Variants in POLD1 observed in about 807,000 individuals in gnomAD.
The protein encoded by POLD1 is DNA polymerase delta catalytic subunit.
Under a neutral mutation model 129.7 loss-of-function variants are expected in POLD1, and 79 were observed. That is an observed-to-expected ratio of 0.61 (90% confidence interval 0.51 to 0.73). The LOEUF (loss-of-function observed/expected upper bound fraction) is 0.73. Among genes scored for constraint, POLD1 ranks in the 30% least tolerant of loss-of-function variants. POLD1 has a pLI of 0.00. For synonymous variants in POLD1, 714 were observed against 683.3 expected, an observed-to-expected ratio of 1.04 and a Z score of -0.70; for missense variants, 1,338 against 1,595.8, an observed-to-expected ratio of 0.84 and a Z score of 2.75.
Position 50,403,925 on chromosome 19 carries a change from A to G in POLD1, c.1242+328A>G, listed in dbSNP as rs567635607. Reference sequence around the variant, plus strand: ...TCCTTTAGGTTATATCAGCATAAGGAAAAGAATCATAATGGAGGAGGAGGG... The same window carrying G: ...TCCTTTAGGTTATATCAGCATAAGGGAAAGAATCATAATGGAGGAGGAGGG... On this transcript the variant is annotated intron_variant, in intron 10 of 26. Transcript: ENST00000440232. Among the ~76,000 whole-genome samples, 137 of 152,272 alleles carry G rather than the reference A, an allele frequency of 9.0e-4. 3 individuals are homozygous for G. The South Asian group carries it at 0.021, about 24-fold the overall frequency.
At position 50,388,936 on chromosome 19, in the gene POLD1, G is replaced by A. The variant is rs570930255; in HGVS notation, c.-2+4546G>A. Among the ~76,000 whole-genome samples the A allele has an allele frequency of 3.4e-5, 5 of 146,388 alleles. No individual in the cohort carries two copies. The East Asian group carries it at 8.3e-4, about 24-fold the overall frequency. ...CAACCTCTGCCTCCCAGGTTCAAGC[G>A]ATTCTCCTATTGCAGCTTCCTGAGT... On this transcript the variant is annotated intron_variant, in intron 1 of 26. Coordinates refer to ENST00000440232, the MANE Select transcript of POLD1 (RefSeq NM_002691.4).
At chr19:50,415,374 C>G in intron 20 of POLD1, 64 bp from the exon 21 acceptor site, 1 of 1,525,046 alleles carries the variant, frequency 6.6e-7, no homozygotes. Flanking sequence ...CCCTGAGACC[C>G]GTGGAGGCAC....
Position 50,403,253 on chromosome 19 carries a change from G to A in POLD1, c.1137+34G>A, listed in dbSNP as rs55808115. 2,437 of 1,514,148 alleles carry A rather than the reference G, an allele frequency of 1.6e-3. 30 individuals are homozygous for A. The African/African-American group carries it at 0.029, about 18-fold the overall frequency. The allele number at this position is 1,514,148 out of a possible 1,614,324, so 93.8% of individuals were successfully genotyped here. A position where few individuals can be genotyped will look rare whatever the true frequency, so the allele number is the denominator to read the frequency against. The stretch of plus-strand genomic sequence containing the variant: ...CGCTCCACGCCCCACACCATTTCCC[G>A]GGGTCCCCGCCAGCCTCCGCGTCCT... On this transcript the variant is annotated intron_variant, in intron 9 of 26. Coordinates refer to ENST00000440232, the MANE Select transcript of POLD1 (RefSeq NM_002691.4).
intron 1 of POLD1, among the ~76,000 whole-genome samples, chr19:50,391,867 C>T (rs563231603): frequency 6.6e-6 from 1 of 152,188 alleles, no homozygotes; most frequent in South Asian, 2.1e-4. Context: ...CGCCCGCCAC[C>T]ATGACAAGCT....
intron 1 of POLD1, among the ~76,000 whole-genome samples, chr19:50,394,497 C>G (rs892487510): frequency 6.6e-6 from 1 of 150,716 alleles, no homozygotes; most frequent in African/African-American, 2.4e-5. Flanking sequence ...ACTAAAAATA[C>G]AAAAAAAAAT....
At chr19:50,415,698 C>A in intron 21 of POLD1, 26 bp from the exon 22 acceptor site, 1 of 1,517,674 alleles carries the variant, frequency 6.6e-7, no homozygotes, top group Non-Finnish European at 8.9e-7. Flanking sequence ...CTGCCCTCAC[C>A]CACCCGCCAC....
At chr19:50,396,498 G>T (rs1441527053) in intron 1 of POLD1, among the ~76,000 whole-genome samples, 1 of 151,250 alleles carries the variant, frequency 6.6e-6, no homozygotes, top group Non-Finnish European at 1.5e-5. Context: ...TATTTTTTGA[G>T]ATGGAGTCTC....
At position 50,395,756 on chromosome 19, in the gene POLD1, C is replaced by T. The variant is rs1726786; in HGVS notation, c.-1-3095C>T. ...CCCAATACCTTGCAGACATTATGGCCGTTTACTCCTAAATACTTGAGTGTG... is the reference window on the plus strand; with the variant it reads ...CCCAATACCTTGCAGACATTATGGCTGTTTACTCCTAAATACTTGAGTGTG... On this transcript the variant is annotated intron_variant, in intron 1 of 26. Coordinates refer to ENST00000440232, the MANE Select transcript of POLD1 (RefSeq NM_002691.4). Among the ~76,000 whole-genome samples the T allele has an allele frequency of 2.4e-3, 372 of 152,054 alleles. 1 individual carries two copies. The highest frequency in any genetic ancestry group is 8.6e-3 in the African/African-American group (357 of 41,450).
Position 50,416,429 on chromosome 19 carries a change from A to G in POLD1, c.2854A>G (p.Ile952Val), listed in dbSNP as rs879254101. 2 of 1,549,900 alleles carry G rather than the reference A, an allele frequency of 1.3e-6. No individual in the cohort carries two copies. The highest frequency in any genetic ancestry group is 8.7e-7 in the Non-Finnish European group (1 of 1,147,394). ...GTTCGTGCTGGAGCACAGCCTGCCCATTGACACGCAGTACTACCTGGAGCA... is the reference window on the plus strand; with the variant it reads ...GTTCGTGCTGGAGCACAGCCTGCCCGTTGACACGCAGTACTACCTGGAGCA... ...PLFVLEHSLPIDTQYYLEQQL... is the reference protein window; with the variant it reads ...PLFVLEHSLPVDTQYYLEQQL... The change falls in exon 23 of 27, where the codon ATT becomes GTT. Residue 952 changes from isoleucine to valine, a missense_variant. Physicochemically the swap from Ile to Val is conservative, Grantham distance 29 (BLOSUM62 3). This residue lies in a region of POLD1 where 286 missense variants were observed against 277.5 expected (regional missense o/e 1.03). Transcript: ENST00000440232.
At chr19:50,394,357 A>AAAAGC (rs1031379371) in intron 1 of POLD1, among the ~76,000 whole-genome samples, 4 of 152,282 alleles carry the variant, frequency 2.6e-5, no homozygotes, top group Middle Eastern at 3.4e-3. Context: ...TCTATTGCAA[A>AAAAGC]AAAGCAAAGC....
intron 10 of POLD1, among the ~76,000 whole-genome samples, chr19:50,404,596 T>TTTTTTTCC (rs2038802196): frequency 8.6e-6 from 1 of 116,464 alleles, no homozygotes. Context: ...TTTTTTTTTT[T>TTTTTTTCC]GAGACAGAGT....
At position 50,398,889 on chromosome 19, in the gene POLD1, T is replaced by G. The variant is rs1601188623; in HGVS notation, c.38T>G (p.Val13Gly). The change falls in exon 2 of 27, where the codon GTG (valine) becomes GGG (glycine). Residue 13 changes from valine (V) to glycine (G), a missense_variant. Coordinates refer to ENST00000440232, the MANE Select transcript of POLD1 (RefSeq NM_002691.4). ...CGGCGGCCAGGCCCAGGGCCCGGGG[T>G]GCCCCCAAAGCGGGCCCGTGGGGGC... ...GKRRPGPGPG[V>G]PPKRARGGLW... The G allele has an allele frequency of 1.2e-6, 2 of 1,606,118 alleles. No homozygotes were observed.
At chr19:50,404,285 CAA>C (rs1488362569) in intron 10 of POLD1, among the ~76,000 whole-genome samples, 3 of 149,578 alleles carry the variant, frequency 2.0e-5, no homozygotes, top group African/African-American at 7.5e-5. Flanking sequence ...TTTTCCAAGA[CAA>C]AGTCTCGCTC....
chr19:50,385,496 C>T (rs2037938151), intron 1 of POLD1, among the ~76,000 whole-genome samples: 1 of 150,954 alleles, frequency 6.6e-6, no homozygotes, highest in Non-Finnish European at 1.5e-5. Context: ...TCAGCCCTTC[C>T]ACTGAAGGAA....
chr19:50,408,160 C>T (rs2038966860), intron 14 of POLD1, among the ~76,000 whole-genome samples: 3 of 151,598 alleles, frequency 2.0e-5, no homozygotes, highest in Non-Finnish European at 2.9e-5. Flanking sequence ...CACGGTGAAA[C>T]CCCGTCTCTA....
At chr19:50,416,556 A>G in intron 23 of POLD1, 28 bp downstream of exon 23, 1 of 1,546,848 alleles carries the variant, frequency 6.5e-7, no homozygotes, top group Non-Finnish European at 8.7e-7. Context: ...GACTGGGGGC[A>G]CCCTGGGGGG....
At chr19:50,415,679 G>A (rs771219522) in intron 21 of POLD1, 45 bp from the exon 22 acceptor site, 39 of 450,626 alleles carry the variant, frequency 8.7e-5, no homozygotes, top group South Asian at 7.2e-4. Context: ...CCCCACCCCC[G>A]CCACCCACCT....
intron 22 of POLD1, 81 bp downstream of exon 22, chr19:50,415,907 A>G: frequency 1.8e-6 from 2 of 1,089,848 alleles, no homozygotes; most frequent in Non-Finnish European, 2.6e-6. Context: ...GCCTGCGGGA[A>G]GGGTGGGGCC....
At chr19:50,401,387 A>T (rs1346540851) in intron 3 of POLD1, among the ~76,000 whole-genome samples, 16 of 59,168 alleles carry the variant, frequency 2.7e-4, no homozygotes, top group African/African-American at 8.5e-4. Flanking sequence ...ATATATATAT[A>T]TATATTTTTT....
Sources: gnomAD v4.1 joint callset for allele counts (sites outside exome capture counted in the v4.1 genomes callset) on GRCh38, gnomAD v4.1.1 for gene constraint, gnomAD v4.1.1 regional missense constraint, MANE v1.5 for transcripts, NCBI Gene and HGNC (gene_info 2026-07-23, HGNC 2026-07-21) for gene names.